Variants in BMP5 observed in about 807,000 individuals in gnomAD.
BMP5 encodes bone morphogenetic protein 5.
In BMP5, 23 loss-of-function variants were observed where a neutral mutation model predicts 46.6. The observed-to-expected ratio is 0.49, with a 90% CI of 0.35 to 0.70. BMP5 has a LOEUF of 0.70. BMP5 is among the 30% of genes least tolerant of loss of function. BMP5 has a pLI of 0.00. For missense variants in BMP5, 545 were observed against 565.6 expected (o/e 0.96, Z 0.37); for synonymous variants, 204 against 191.9 (o/e 1.06, Z -0.52).
chr6:55,831,901 C>T (rs1292360963), intron 1 of BMP5, among the ~76,000 whole-genome samples: 1 of 151,848 alleles, frequency 6.6e-6, no homozygotes, highest in African/African-American at 2.4e-5. Context: ...AATAAATAAA[C>T]CAGAAAGAAG....
chr6:55,871,504 C>G (rs1279994155), intron 1 of BMP5, among the ~76,000 whole-genome samples: 1 of 151,784 alleles, frequency 6.6e-6, no homozygotes, highest in African/African-American at 2.4e-5. Flanking sequence ...ATTCAGATGT[C>G]TGCATGCCTT....
intron 1 of BMP5, among the ~76,000 whole-genome samples, chr6:55,857,769 AC>A (rs1169038248): frequency 6.6e-6 from 1 of 152,106 alleles, no homozygotes; most frequent in East Asian, 1.9e-4. Context: ...ACAGAGTTTC[AC>A]TTTTCTTGTC....
intron 2 of BMP5, among the ~76,000 whole-genome samples, chr6:55,808,597 G>A (rs1418044766): frequency 6.6e-6 from 1 of 152,202 alleles, no homozygotes; most frequent in African/African-American, 2.4e-5. Context: ...AGGCACTGGT[G>A]GCGTGGGCTC....
chr6:55,864,268 G>C (rs181888395), intron 1 of BMP5, among the ~76,000 whole-genome samples: 21 of 152,306 alleles, frequency 1.4e-4, no homozygotes, highest in Non-Finnish European at 2.8e-4. Flanking sequence ...CTAAGCTCAT[G>C]TTGAAAGTTG....
chr6:55,776,070 G>A (rs2127522028), intron 3 of BMP5, among the ~76,000 whole-genome samples: 1 of 152,032 alleles, frequency 6.6e-6, no homozygotes, highest in East Asian at 1.9e-4. Context: ...ACAAGAGAAG[G>A]GACTTACAAA....
At chr6:55,823,501 C>T (rs3798834) in intron 1 of BMP5, among the ~76,000 whole-genome samples, 15,384 of 151,952 alleles carry the variant, frequency 0.1, 895 homozygotes, top group East Asian at 0.14. Context: ...CATTTAATCC[C>T]CGTGACCCTA....
At chr6:55,853,409 C>T (rs941437863) in intron 1 of BMP5, among the ~76,000 whole-genome samples, 2 of 147,090 alleles carry the variant, frequency 1.4e-5, no homozygotes, top group African/African-American at 5.0e-5. Flanking sequence ...TTATTGCATG[C>T]CATTAATCTC....
intron 3 of BMP5, among the ~76,000 whole-genome samples, chr6:55,781,067 A>G (rs1434775713): frequency 6.6e-6 from 1 of 152,110 alleles, no homozygotes; most frequent in Non-Finnish European, 1.5e-5. Flanking sequence ...TTACCTCCAC[A>G]AAAGCACTTA....
chr6:55,756,253 A>AT (rs1181359371), intron 6 of BMP5, among the ~76,000 whole-genome samples: 3 of 151,888 alleles, frequency 2.0e-5, no homozygotes, highest in Non-Finnish European at 4.4e-5. Flanking sequence ...TCTTCATAGA[A>AT]TTTTTTTATC....
chr6:55,820,426 T>G (rs555620370), intron 1 of BMP5, among the ~76,000 whole-genome samples: 1 of 152,076 alleles, frequency 6.6e-6, no homozygotes, highest in South Asian at 2.1e-4. Context: ...TAAAAACATT[T>G]TTTTTTTCTT....
At chr6:55,790,925 A>C (rs1775561162) in intron 3 of BMP5, among the ~76,000 whole-genome samples, 1 of 152,154 alleles carries the variant, frequency 6.6e-6, no homozygotes, top group Non-Finnish European at 1.5e-5. Context: ...TTAGCTACCT[A>C]TATCTGTCTC....
At position 55,874,973 on chromosome 6, in the gene BMP5, A is replaced by C; in HGVS notation, c.-108T>G. Reference sequence around the variant, plus strand: ...AGTTTCCCAGTAGCTGAAAAAACAAATTTACCTATTTTTCATGACAGTGAC... The same window carrying C: ...AGTTTCCCAGTAGCTGAAAAAACAACTTTACCTATTTTTCATGACAGTGAC... On this transcript the variant is annotated 5_prime_UTR_variant, in exon 1 of 7. Coordinates refer to ENST00000370830, the MANE Select transcript of BMP5 (RefSeq NM_021073.4). 1 of 1,314,974 alleles carries C rather than the reference A, an allele frequency of 7.6e-7. No homozygotes were observed. The highest frequency in any genetic ancestry group is 1.1e-6 in the Non-Finnish European group (1 of 946,792). 81.5% of individuals were successfully genotyped at this position (1,314,974 alleles called of 1,614,324 possible).
chr6:55,762,202 C>T (rs1455326444), intron 4 of BMP5, among the ~76,000 whole-genome samples: 1 of 151,928 alleles, frequency 6.6e-6, no homozygotes, highest in Non-Finnish European at 1.5e-5. Context: ...ATTCGAAAAA[C>T]TAGTCCACTT....
intron 2 of BMP5, among the ~76,000 whole-genome samples, chr6:55,800,548 G>C (rs980772632): frequency 4.6e-5 from 7 of 152,120 alleles, no homozygotes; most frequent in African/African-American, 1.7e-4. Context: ...TAAGGGATGT[G>C]AACAGGCCTA....
chr6:55,827,825 A>T (rs1776567761), intron 1 of BMP5, among the ~76,000 whole-genome samples: 3 of 151,880 alleles, frequency 2.0e-5, no homozygotes, highest in Admixed American at 6.6e-5. Context: ...TATATTTACT[A>T]CACAAATAAC....
At chr6:55,758,927 T>C in intron 6 of BMP5, 78 bp downstream of exon 6, 3 of 992,788 alleles carry the variant, frequency 3.0e-6, no homozygotes, top group Non-Finnish European at 3.2e-6. Flanking sequence ...AAATTGTAAA[T>C]AGATGCTTTC....
intron 1 of BMP5, among the ~76,000 whole-genome samples, chr6:55,848,308 C>T (rs1053935727): frequency 6.6e-6 from 1 of 151,984 alleles, no homozygotes; most frequent in African/African-American, 2.4e-5. Context: ...CAAAAGAATG[C>T]AAATTTGTAA....
chr6:55,812,611 A>G (rs1420511230), intron 2 of BMP5, among the ~76,000 whole-genome samples: 4 of 152,354 alleles, frequency 2.6e-5, no homozygotes, highest in Middle Eastern at 3.4e-3. Flanking sequence ...AATAAATTAC[A>G]TTAAAGAGTA....
Position 55,754,171 on chromosome 6 carries a change from G to T in BMP5, c.*1362C>A, listed in dbSNP as rs189295157. Reference sequence around the variant, plus strand: ...AATACTTTAGATTAACGGTAAATAAGCCTAACCACAGAGTCACCATAAATA... The same window carrying T: ...AATACTTTAGATTAACGGTAAATAATCCTAACCACAGAGTCACCATAAATA... On this transcript the variant is annotated 3_prime_UTR_variant, in exon 7 of 7. Transcript: ENST00000370830. 6.6e-6 allele frequency: 1 copy of T among 151,998 alleles called. No individual in the cohort carries two copies. The highest frequency in any genetic ancestry group is 1.9e-4 in the East Asian group (1 of 5,152). The allele number at this position is 151,998 out of a possible 1,614,324, so 9.4% of individuals were successfully genotyped here.
Sources: allele counts gnomAD v4.1 joint callset (sites outside exome capture counted in the v4.1 genomes callset), GRCh38; gene constraint gnomAD v4.1.1; transcripts MANE v1.5; gene names NCBI Gene and HGNC (gene_info 2026-07-23, HGNC 2026-07-21).